Variants in DGKI observed in about 807,000 individuals in gnomAD.
DGKI encodes DAG kinase iota.
DGKI carries 55 observed loss-of-function variants against 147.5 expected under a neutral mutation model. That is an observed-to-expected ratio of 0.37 (90% CI 0.30 to 0.47). The LOEUF (loss-of-function observed/expected upper bound fraction) is 0.47. DGKI is among the 20% of genes least tolerant of loss of function. DGKI has a pLI of 1.00. For missense variants in DGKI, 1,007 were observed against 1,323.8 expected (o/e 0.76, Z 3.71); for synonymous variants, 469 against 477.1 (o/e 0.98, Z 0.22).
intron 28 of DGKI, among the ~76,000 whole-genome samples, chr7:137,435,514 G>A (rs1315557887): frequency 3.3e-5 from 5 of 152,036 alleles, no homozygotes; most frequent in South Asian, 2.1e-4. Flanking sequence ...AGAGGGTCCC[G>A]CAAGCAGAGT....
chr7:137,719,299 C>G (rs559896946), intron 1 of DGKI, among the ~76,000 whole-genome samples: 5 of 151,968 alleles, frequency 3.3e-5, no homozygotes, highest in African/African-American at 7.2e-5. Flanking sequence ...GAATTAGTTG[C>G]AACTGTCTCA....
chr7:137,385,864 G>A lies in DGKI; in HGVS notation c.*5356C>T, dbSNP rs1811163314. On this transcript the variant is annotated 3_prime_UTR_variant, in exon 33 of 33. Coordinates refer to ENST00000614521, the MANE Select transcript of DGKI (RefSeq NM_001321708.2). Reference sequence around the variant, plus strand: ...ATGCTGGACACCCTGGGGTTCTCCTGCACTGCACTTATCACATTGGAATTT... The same window carrying A: ...ATGCTGGACACCCTGGGGTTCTCCTACACTGCACTTATCACATTGGAATTT... 6.6e-6 allele frequency: 1 copy of A among 152,116 alleles called. No individual in the cohort carries two copies. The highest frequency in any genetic ancestry group is 1.5e-5 in the Non-Finnish European group (1 of 68,004). 9.4% of individuals were successfully genotyped at this position (152,116 alleles called of 1,614,324 possible).
At chr7:137,700,068 T>G (rs1368976424) in intron 1 of DGKI, among the ~76,000 whole-genome samples, 1 of 152,182 alleles carries the variant, frequency 6.6e-6, no homozygotes, top group Non-Finnish European at 1.5e-5. Context: ...GGCAAAGACC[T>G]AACTACCTAC....
chr7:137,641,744 T>C (rs889662040), intron 6 of DGKI, among the ~76,000 whole-genome samples: 2 of 152,228 alleles, frequency 1.3e-5, no homozygotes, highest in Non-Finnish European at 2.9e-5. Flanking sequence ...GCTTCAAGAA[T>C]TGATGTTGGA....
At chr7:137,478,417 C>T (rs1272174799) in intron 23 of DGKI, among the ~76,000 whole-genome samples, 1 of 152,136 alleles carries the variant, frequency 6.6e-6, no homozygotes, top group Non-Finnish European at 1.5e-5. Context: ...ATCTATACAC[C>T]TTTCTCTTGT....
At position 137,422,883 on chromosome 7, in the gene DGKI, C is replaced by A. The variant is rs556094650; in HGVS notation, c.2762-10676G>T. On this transcript the variant is annotated intron_variant, in intron 28 of 32. Coordinates refer to ENST00000614521, the MANE Select transcript of DGKI (RefSeq NM_001321708.2). ...CCTCCCAAAGTGCTGGGATTACAGG[C>A]GTGAGCCACCGCGCCCACCCTTGTA... 8.5e-5 allele frequency among the ~76,000 whole-genome samples: 13 copies of A among 152,184 alleles called. No individual in the cohort carries two copies. In the East Asian group the frequency reaches 2.1e-3, roughly 25 times the overall value.
intron 19 of DGKI, among the ~76,000 whole-genome samples, chr7:137,569,727 T>TCAAAAA (rs1818724165): frequency 6.7e-5 from 1 of 14,916 alleles, no homozygotes; most frequent in Non-Finnish European, 1.8e-4. Context: ...AGACTCTGTC[T>TCAAAAA]CAAAAAAAAA....
chr7:137,640,325 G>T (rs971729712), intron 6 of DGKI, among the ~76,000 whole-genome samples: 1 of 152,102 alleles, frequency 6.6e-6, no homozygotes, highest in Non-Finnish European at 1.5e-5. Flanking sequence ...GGTTGTCCTT[G>T]TCCCCCTTCT....
Position 137,688,117 on chromosome 7 carries a change from C to T in DGKI, c.510+1777G>A, listed in dbSNP as rs17169390. ...AGCATTTTCTGATAACTATTTCCAA[C>T]ATCAAATGGGAATGGAATGTCCTTT... On this transcript the variant is annotated intron_variant, in intron 2 of 32. Transcript: ENST00000614521. 1.1e-3 allele frequency among the ~76,000 whole-genome samples: 164 copies of T among 152,278 alleles called. 4 individuals are homozygous for T. The East Asian group carries it at 0.027, about 25-fold the overall frequency.
At chr7:137,644,548 T>C (rs539285254) in intron 6 of DGKI, among the ~76,000 whole-genome samples, 1 of 152,344 alleles carries the variant, frequency 6.6e-6, no homozygotes, top group Non-Finnish European at 1.5e-5. Context: ...CTGTCAAAAA[T>C]GCTGCACTGG....
At chr7:137,554,473 G>A (rs564138978) in intron 19 of DGKI, among the ~76,000 whole-genome samples, 35 of 152,262 alleles carry the variant, frequency 2.3e-4, no homozygotes, top group South Asian at 8.3e-4. Context: ...TGACTTGAGA[G>A]GAAAACTGAG....
At chr7:137,677,200 A>G (rs1240192909) in intron 3 of DGKI, among the ~76,000 whole-genome samples, 1 of 152,246 alleles carries the variant, frequency 6.6e-6, no homozygotes, top group Non-Finnish European at 1.5e-5. Context: ...TATTTAAGTC[A>G]ATTAAATTTA....
intron 6 of DGKI, among the ~76,000 whole-genome samples, chr7:137,642,621 T>C (rs776170818): frequency 1.3e-5 from 2 of 152,186 alleles, no homozygotes; most frequent in Non-Finnish European, 2.9e-5. Context: ...GTTATAAACC[T>C]AGTAGCCTGA....
chr7:137,601,207 C>G (rs1381088566), intron 10 of DGKI, among the ~76,000 whole-genome samples: 1 of 151,626 alleles, frequency 6.6e-6, no homozygotes, highest in Non-Finnish European at 1.5e-5. Flanking sequence ...GGAGGCGGAG[C>G]TTGCAGTGAG....
intron 6 of DGKI, among the ~76,000 whole-genome samples, chr7:137,645,086 C>T (rs192534697): frequency 1.7e-4 from 26 of 152,310 alleles, no homozygotes; most frequent in African/African-American, 5.1e-4. Flanking sequence ...TAAACAGTTC[C>T]GCCCAAACAC....
At chr7:137,449,295 G>T (rs139626567) in intron 27 of DGKI, among the ~76,000 whole-genome samples, 1 of 152,246 alleles carries the variant, frequency 6.6e-6, no homozygotes, top group Non-Finnish European at 1.5e-5. Flanking sequence ...CAGACAAATA[G>T]AACAATGGAA....
chr7:137,497,718 T>C (rs1326519429), intron 21 of DGKI, among the ~76,000 whole-genome samples: 1 of 152,072 alleles, frequency 6.6e-6, no homozygotes, highest in East Asian at 1.9e-4. Flanking sequence ...AAGTATCACA[T>C]ATTCTCACTT....
intron 27 of DGKI, chr7:137,452,922 A>G (rs1814030899): frequency 6.6e-6 from 1 of 152,264 alleles, no homozygotes; most frequent in South Asian, 2.1e-4. Flanking sequence ...ATGCCTGGTC[A>G]GCATTCCCCA....
At chr7:137,800,278 C>T (rs952352325) in intron 1 of DGKI, among the ~76,000 whole-genome samples, 70 of 152,022 alleles carry the variant, frequency 4.6e-4, no homozygotes, top group Non-Finnish European at 1.6e-4. Context: ...GGATGTTTGT[C>T]CCCACCCAAA....
Sources: allele counts gnomAD v4.1 joint callset (sites outside exome capture counted in the v4.1 genomes callset), GRCh38; gene constraint gnomAD v4.1.1; transcripts MANE v1.5; gene names NCBI Gene and HGNC (gene_info 2026-07-23, HGNC 2026-07-21).